The following CIT variants were observed in gnomAD, a reference collection of about 807,000 sequenced individuals.
The protein encoded by CIT is citron rho-interacting serine/threonine kinase, also known as citron Rho-interacting kinase.
CIT carries 79 observed loss-of-function variants against 272.7 expected under a neutral mutation model. The ratio of observed to expected loss-of-function variants is 0.29; its 90% CI spans 0.24 to 0.35. CIT has a LOEUF of 0.35. CIT is among the 10% of genes least tolerant of loss of function. CIT has a pLI of 1.00. For missense variants in CIT, 1,909 were observed against 2,618.3 expected (o/e 0.73, Z 5.91); for synonymous variants, 948 against 995.6 (o/e 0.95, Z 0.90).
Position 119,802,161 on chromosome 12 carries a change from G to A in CIT, c.1295+1045C>T, listed in dbSNP as rs147061535. ...CCAAGAAGAATATCAAATTCTGCTCGTCTCCTAAGTGGGCAGCAACTAACC... is the reference window on the plus strand; with the variant it reads ...CCAAGAAGAATATCAAATTCTGCTCATCTCCTAAGTGGGCAGCAACTAACC... On this transcript the variant is annotated intron_variant, in intron 10 of 47. Transcript: ENST00000392521. Among the ~76,000 whole-genome samples, 293 of 152,242 alleles carry A rather than the reference G, an allele frequency of 1.9e-3. 2 individuals carry two copies. Among genetic ancestry groups the A allele is most frequent in the South Asian group, 0.012 (59 of 4,820 alleles).
rs1313356539 is a variant in CIT at position 119,761,040 on chromosome 12, T to C, written c.2320A>G (p.Ile774Val). ...EEKIKVLDNQ[I>V]KKDLADKETL... ...TCCTTGTCAGCCAGGTCTTTCTTTA[T>C]CTGATTGTCCAACACCTACAAAAAC... is the stretch of plus-strand genomic sequence containing the variant. The change falls in exon 20 of 48, where the codon ATA becomes GTA. Residue 774 changes from isoleucine (I) to valine (V), a missense_variant. Ile to Val is a conservative substitution (Grantham distance 29, BLOSUM62 3). Coordinates refer to ENST00000392521, the MANE Select transcript of CIT (RefSeq NM_001206999.2). 4.3e-6 allele frequency: 7 copies of C among 1,613,654 alleles called. No individual in the cohort carries two copies. The highest frequency in any genetic ancestry group is 5.1e-6 in the Non-Finnish European group (6 of 1,179,534).
Position 119,876,196 on chromosome 12 carries a change from G to T in CIT, c.-13-15C>A. 6.5e-7 allele frequency: 1 copy of T among 1,539,800 alleles called. No homozygotes were observed. Among genetic ancestry groups the T allele is most frequent in the South Asian group, 1.1e-5 (1 of 89,210 alleles). On this transcript the variant is annotated splice_polypyrimidine_tract_variant and intron_variant, in intron 1 of 47. Transcript: ENST00000392521. ...CCCCACTGGCGCTGAAAGGATATCA[G>T]AAAAGTCAAGTGTGTCCTATGTTTT...
chr12:119,854,637 A>C (rs559295397), intron 4 of CIT, among the ~76,000 whole-genome samples: 1 of 151,666 alleles, frequency 6.6e-6, no homozygotes, highest in South Asian at 2.1e-4. Flanking sequence ...AAAAAAATAA[A>C]AATAAAACAA....
intron 28 of CIT, among the ~76,000 whole-genome samples, chr12:119,723,188 G>A (rs1176240573): frequency 2.0e-5 from 3 of 151,962 alleles, no homozygotes; most frequent in Admixed American, 1.3e-4. Context: ...ACCCTCCTCC[G>A]CAGCATGAGT....
In CIT at chr12:119,803,515, ATCTAGCTCGCAACCTCGGC is replaced by A. The variant is rs1966387939; in HGVS notation, c.1112-145_1112-127del. ...GATGGCACTGCAGCGCCTGCTTTCA[ATCTAGCTCGCAACCTCGGC>A]TCCTACAGCAACAAGAGATTAACCC... is the stretch of plus-strand genomic sequence containing the variant. On this transcript the variant is annotated intron_variant, in intron 9 of 47. Coordinates refer to ENST00000392521, the MANE Select transcript of CIT (RefSeq NM_001206999.2). 3 of 626,120 alleles carry A rather than the reference ATCTAGCTCGCAACCTCGGC, an allele frequency of 4.8e-6. No individual in the cohort carries two copies. In the East Asian group the frequency reaches 9.3e-5, roughly 19 times the overall value. The allele number at this position is 626,120 out of a possible 1,614,324, so 38.8% of individuals were successfully genotyped here.
chr12:119,834,311 CGT>C, intron 5 of CIT, 83 bp from the exon 6 acceptor site: 1 of 1,262,310 alleles, frequency 7.9e-7, no homozygotes, highest in Non-Finnish European at 1.1e-6. Flanking sequence ...TATCACCTGA[CGT>C]GTTATAATAA....
At chr12:119,729,233 C>G (rs1179130218) in intron 27 of CIT, among the ~76,000 whole-genome samples, 1 of 152,120 alleles carries the variant, frequency 6.6e-6, no homozygotes, top group East Asian at 1.9e-4. Flanking sequence ...TCTAATAAAT[C>G]TAGTTTCCTC....
intron 5 of CIT, among the ~76,000 whole-genome samples, chr12:119,840,664 C>T (rs1309801571): frequency 2.0e-5 from 3 of 152,176 alleles, no homozygotes; most frequent in Admixed American, 6.5e-5. Flanking sequence ...GGTAATAAAA[C>T]AAGAACCAAT....
chr12:119,849,907 T>C (rs1970091529), intron 5 of CIT, among the ~76,000 whole-genome samples: 1 of 152,148 alleles, frequency 6.6e-6, no homozygotes, highest in Non-Finnish European at 1.5e-5. Context: ...AGGATGGTCT[T>C]GATCTCCTGA....
At chr12:119,793,718 G>A (rs1965504968) in intron 10 of CIT, among the ~76,000 whole-genome samples, 1 of 152,104 alleles carries the variant, frequency 6.6e-6, no homozygotes, top group Non-Finnish European at 1.5e-5. Context: ...TTTGCTAACC[G>A]ACTCCTTATT....
At chr12:119,865,916 A>G (rs984821865) in intron 3 of CIT, among the ~76,000 whole-genome samples, 1 of 152,060 alleles carries the variant, frequency 6.6e-6, no homozygotes, top group African/African-American at 2.4e-5. Flanking sequence ...ACAGATGAGA[A>G]AACTGAGAAC....
rs1555233295 is a variant in CIT, at chr12:119,751,619, A to AAAAG, written c.2904+430_2904+431insCTTT. On this transcript the variant is annotated intron_variant, in intron 23 of 47. Coordinates refer to ENST00000392521, the MANE Select transcript of CIT (RefSeq NM_001206999.2). ...AGAATCTACAGCTTGAAAAAAAAAA[A>AAAAG]AAGTAACATGAGTAAGGTTAACTAA... 4.9e-4 allele frequency among the ~76,000 whole-genome samples: 72 copies of AAAAG among 146,000 alleles called. 1 individual carries two copies. Among genetic ancestry groups the AAAAG allele is most frequent in the South Asian group, 2.6e-3 (12 of 4,660 alleles).
chr12:119,838,431 T>C (rs1311605741), intron 5 of CIT, among the ~76,000 whole-genome samples: 1 of 152,114 alleles, frequency 6.6e-6, no homozygotes, highest in Non-Finnish European at 1.5e-5. Flanking sequence ...CTCTTTCCCA[T>C]CCCAACCACT....
chr12:119,824,235 T>C (rs1967983971), intron 8 of CIT, among the ~76,000 whole-genome samples: 1 of 151,316 alleles, frequency 6.6e-6, no homozygotes, highest in Admixed American at 6.6e-5. Flanking sequence ...TAAGAAGGAG[T>C]ATATCGAAAA....
At chr12:119,791,086 C>T (rs916899579) in intron 10 of CIT, among the ~76,000 whole-genome samples, 1 of 152,158 alleles carries the variant, frequency 6.6e-6, no homozygotes, top group Non-Finnish European at 1.5e-5. Context: ...TCTCCTACCA[C>T]GTTACCATGA....
intron 41 of CIT, among the ~76,000 whole-genome samples, chr12:119,703,629 T>G (rs1330749266): frequency 6.6e-6 from 1 of 152,128 alleles, no homozygotes; most frequent in Non-Finnish European, 1.5e-5. Flanking sequence ...TTTCACCATG[T>G]TGGCCAGGCT....
intron 18 of CIT, among the ~76,000 whole-genome samples, chr12:119,769,985 T>C (rs1194327100): frequency 6.6e-6 from 1 of 151,032 alleles, no homozygotes; most frequent in Non-Finnish European, 1.5e-5. Flanking sequence ...GAATGACCAA[T>C]GACTTCAGAG....
At chr12:119,823,805 C>T (rs1396950986) in intron 8 of CIT, among the ~76,000 whole-genome samples, 4 of 151,878 alleles carry the variant, frequency 2.6e-5, no homozygotes, top group South Asian at 2.1e-4. Flanking sequence ...TTTGGGAGGC[C>T]GAGGCAGGCG....
At chr12:119,858,039 C>G (rs1950222281) in intron 3 of CIT, among the ~76,000 whole-genome samples, 1 of 152,186 alleles carries the variant, frequency 6.6e-6, no homozygotes. Flanking sequence ...TGCTTATTAG[C>G]ATTTAGACTG....
Sources: gnomAD v4.1 joint callset for allele counts (sites outside exome capture counted in the v4.1 genomes callset) on GRCh38, gnomAD v4.1.1 for gene constraint, MANE v1.5 for transcripts, NCBI Gene and HGNC (gene_info 2026-07-23, HGNC 2026-07-21) for gene names.